Variants in NME7 observed in about 807,000 individuals in gnomAD.
The protein encoded by NME7 is nucleoside diphosphate kinase 7.
Under a neutral mutation model 49.1 loss-of-function variants are expected in NME7, and 41 were observed. That is an observed-to-expected ratio of 0.83 (90% CI 0.65 to 1.08). The LOEUF is 1.08. Ranked by LOEUF, NME7 falls within the 50% of genes least tolerant of loss-of-function variation. The probability of loss-of-function intolerance (pLI) is 0.00; values close to 1 mark genes in which losing one functional copy is unlikely to be tolerated. For missense variants in NME7, 423 were observed against 463.4 expected (o/e 0.91, Z 0.80); for synonymous variants, 139 against 150.6 (o/e 0.92, Z 0.56).
At chr1:169,245,579 G>C (rs553776819) in intron 7 of NME7, among the ~76,000 whole-genome samples, 1 of 152,238 alleles carries the variant, frequency 6.6e-6, no homozygotes, top group South Asian at 2.1e-4. Flanking sequence ...GTAGCCAAGA[G>C]TACACGAACT....
intron 3 of NME7, 37 bp from the exon 4 acceptor site, chr1:169,310,117 T>C (rs1651329992): frequency 1.6e-6 from 2 of 1,244,950 alleles, no homozygotes; most frequent in Admixed American, 1.9e-5. Flanking sequence ...CAAATAAAAA[T>C]AGTTCAACAG....
At position 169,135,014 on chromosome 1, in the gene NME7, C is replaced by CAAAAAAAAAAAAAAAAA. The variant is rs58463903; in HGVS notation, c.1099-2214_1099-2198dup. Among the ~76,000 whole-genome samples the CAAAAAAAAAAAAAAAAA allele has an allele frequency of 2.4e-4, 12 of 50,390 alleles. 1 individual carries two copies. The highest frequency in any genetic ancestry group is 5.8e-4 in the African/African-American group (8 of 13,756). 33.1% of individuals were successfully genotyped at this position (50,390 alleles called of 152,430 possible). A position where few individuals can be genotyped will look rare whatever the true frequency, so the allele number is the denominator to read the frequency against. Reference sequence around the variant, plus strand: ...ACATAAGGAGATCCCCCCGTCTCTACAAAAAAAAAAAAAAAAAAAAAAAAA... The same window carrying CAAAAAAAAAAAAAAAAA: ...ACATAAGGAGATCCCCCCGTCTCTACAAAAAAAAAAAAAAAAAAAAAAAAAAAAAAAAAAAAAAAAAA... On this transcript the variant is annotated intron_variant, in intron 11 of 11. Transcript: ENST00000367811.
intron 11 of NME7, 130 bp from the exon 12 acceptor site, chr1:169,132,947 A>G: frequency 1.7e-6 from 1 of 581,584 alleles, no homozygotes; most frequent in East Asian, 3.4e-5. Flanking sequence ...AAAGTTAATC[A>G]ATCAATCAGA....
chr1:169,173,747 T>C (rs1659670873), intron 10 of NME7, among the ~76,000 whole-genome samples: 3 of 152,170 alleles, frequency 2.0e-5, no homozygotes, highest in Admixed American at 2.0e-4. Flanking sequence ...CAGATTTACA[T>C]TCCTCTTGCT....
intron 11 of NME7, among the ~76,000 whole-genome samples, chr1:169,136,859 C>A (rs1242269357): frequency 6.6e-6 from 1 of 152,140 alleles, no homozygotes; most frequent in African/African-American, 2.4e-5. Flanking sequence ...GTGTATCAGA[C>A]ACTTTAGAGG....
intron 10 of NME7, among the ~76,000 whole-genome samples, chr1:169,184,877 C>T (rs887878071): frequency 1.3e-5 from 2 of 152,052 alleles, no homozygotes; most frequent in Non-Finnish European, 2.9e-5. Context: ...TGTAAATATT[C>T]CTACCAAGGC....
At position 169,298,695 on chromosome 1, in the gene NME7, C is replaced by T. The variant is rs1558028838; in HGVS notation, c.509G>A (p.Cys170Tyr). 2 of 1,613,762 alleles carry T rather than the reference C, an allele frequency of 1.2e-6. No individual in the cohort carries two copies. Among genetic ancestry groups the T allele is most frequent in the African/African-American group, 1.3e-5 (1 of 74,886 alleles). The change falls in exon 6 of 12, where the codon TGT (cysteine) becomes TAT (tyrosine). Residue 170 changes from cysteine (C) to tyrosine (Y), a missense_variant. Physicochemically the swap from Cys to Tyr is radical, Grantham distance 194 (BLOSUM62 -2). Transcript: ENST00000367811. Reference sequence around the variant, plus strand: ...AGGTCCCAGCAGTCTTTTCCATTCACATATAGCATCATCTCTTAAAATCTC... The same window carrying T: ...AGGTCCCAGCAGTCTTTTCCATTCATATATAGCATCATCTCTTAAAATCTC... ...AMEILRDDAI[C>Y]EWKRLLGPAN...
At chr1:169,292,611 G>A (rs957429378) in intron 6 of NME7, among the ~76,000 whole-genome samples, 1 of 152,104 alleles carries the variant, frequency 6.6e-6, no homozygotes, top group Non-Finnish European at 1.5e-5. Context: ...TGGAGGAGGG[G>A]CTGGGAGACA....
intron 5 of NME7, among the ~76,000 whole-genome samples, chr1:169,299,902 T>C (rs1650873913): frequency 6.6e-6 from 1 of 151,954 alleles, no homozygotes; most frequent in African/African-American, 2.4e-5. Context: ...CAAACCATGT[T>C]TATTCACTCA....
chr1:169,316,082 A>T (rs1651614514), intron 3 of NME7, among the ~76,000 whole-genome samples: 1 of 152,102 alleles, frequency 6.6e-6, no homozygotes, highest in Non-Finnish European at 1.5e-5. Flanking sequence ...AATGAAGAAT[A>T]ACAAGAAGAG....
At chr1:169,308,261 G>A (rs774358819) in intron 4 of NME7, among the ~76,000 whole-genome samples, 2 of 152,078 alleles carry the variant, frequency 1.3e-5, no homozygotes, top group Admixed American at 6.5e-5. Flanking sequence ...AAAGTTTCTC[G>A]GAATCAGATG....
rs137925853 is a variant in NME7, at chr1:169,224,033, A to G, written c.990+6685T>C. 5.3e-3 allele frequency among the ~76,000 whole-genome samples: 812 copies of G among 152,276 alleles called. 33 individuals are homozygous for G. The highest frequency in any genetic ancestry group is 0.047 in the Admixed American group (720 of 15,292). ...AGTTATTTGATGAATTCTACCACAT[A>G]TAACCAACCTCCCATATCTGTCATC... On this transcript the variant is annotated intron_variant, in intron 10 of 11. Transcript: ENST00000367811.
chr1:169,276,376 G>T (rs529982063), intron 7 of NME7, among the ~76,000 whole-genome samples: 33 of 133,406 alleles, frequency 2.5e-4, no homozygotes, highest in African/African-American at 7.6e-4. Context: ...CCTGTTATTG[G>T]TGTATTCAGA....
At chr1:169,333,247 A>C (rs1007626598) in intron 1 of NME7, among the ~76,000 whole-genome samples, 1 of 152,124 alleles carries the variant, frequency 6.6e-6, no homozygotes, top group Non-Finnish European at 1.5e-5. Flanking sequence ...TGTGGGTTCT[A>C]AAAAATGAAA....
In NME7 at chr1:169,336,315, G is replaced by GCTTCCACAGTGTGGAAGGGGACCTTCC. The variant is rs1344008889; in HGVS notation, c.4-11842_4-11816dup. Among the ~76,000 whole-genome samples, 189 of 152,108 alleles carry GCTTCCACAGTGTGGAAGGGGACCTTCC rather than the reference G, an allele frequency of 1.2e-3. 2 individuals carry two copies. Among genetic ancestry groups the GCTTCCACAGTGTGGAAGGGGACCTTCC allele is most frequent in the Admixed American group, 0.012 (179 of 15,258 alleles). ...TTATTGCAAAGAGCGAAAGAACAAA[G>GCTTCCACAGTGTGGAAGGGGACCTTCC]CTTCCACAGTGTGGAAGGGGACCTT... On this transcript the variant is annotated intron_variant, in intron 1 of 11. Transcript: ENST00000367811.
intron 11 of NME7, among the ~76,000 whole-genome samples, chr1:169,135,888 A>T (rs962822601): frequency 3.4e-4 from 51 of 152,148 alleles, no homozygotes; most frequent in Non-Finnish European, 5.4e-4. Flanking sequence ...ATTTAGTCAC[A>T]AAGGCATCCT....
At chr1:169,135,827 A>C (rs753108163) in intron 11 of NME7, among the ~76,000 whole-genome samples, 6 of 152,088 alleles carry the variant, frequency 3.9e-5, no homozygotes, top group Non-Finnish European at 5.9e-5. Flanking sequence ...TGAGGGATTA[A>C]GTATCTTACT....
intron 7 of NME7, among the ~76,000 whole-genome samples, chr1:169,281,781 G>C (rs1015486032): frequency 2.0e-5 from 3 of 152,294 alleles, no homozygotes; most frequent in South Asian, 2.1e-4. Flanking sequence ...AACCAGCCTT[G>C]CATTCCAGCA....
intron 3 of NME7, 61 bp downstream of exon 3, chr1:169,323,056 T>C: frequency 7.4e-7 from 1 of 1,357,154 alleles, no homozygotes; most frequent in Non-Finnish European, 9.8e-7. Context: ...CAGTCTTGAT[T>C]CAGATTGACT....
Sources: gnomAD v4.1 joint callset for allele counts (sites outside exome capture counted in the v4.1 genomes callset) on GRCh38, gnomAD v4.1.1 for gene constraint, MANE v1.5 for transcripts, NCBI Gene and HGNC (gene_info 2026-07-23, HGNC 2026-07-21) for gene names.